The following FRYL variants were observed in gnomAD, a reference collection of about 807,000 sequenced individuals.
FRYL encodes the protein FRY like transcription coactivator, also known as protein furry homolog-like.
A neutral mutation model predicts 351.2 loss-of-function variants in FRYL; 150 were observed. The observed-to-expected ratio is 0.43, with a 90% confidence interval of 0.37 to 0.49. The LOEUF (loss-of-function observed/expected upper bound fraction) is 0.49. FRYL is among the 20% of genes least tolerant of loss of function. FRYL has a pLI of 0.00. For missense variants in FRYL, 3,036 were observed against 3,619.3 expected, an observed-to-expected ratio of 0.84 and a Z score of 4.13; for synonymous variants, 1,153 against 1,257.1, an observed-to-expected ratio of 0.92 and a Z score of 1.75.
intron 1 of FRYL, among the ~76,000 whole-genome samples, chr4:48,730,952 G>A (rs574098095): frequency 6.6e-6 from 1 of 152,206 alleles, no homozygotes; most frequent in East Asian, 1.9e-4. Flanking sequence ...AGACCCCTCA[G>A]TGTGCTATAT....
Position 48,498,446 on chromosome 4 carries a change from A to G in FRYL, c.*976T>C, listed in dbSNP as rs781457474. 6 of 152,604 alleles carry G rather than the reference A, an allele frequency of 3.9e-5. No individual in the cohort carries two copies. The highest frequency in any genetic ancestry group is 8.8e-5 in the Non-Finnish European group (6 of 68,044). The allele number at this position is 152,604 out of a possible 1,614,324, so 9.5% of individuals were successfully genotyped here. On this transcript the variant is annotated 3_prime_UTR_variant, in exon 64 of 64. Transcript: ENST00000358350. ...TGGTTTTAGTCTCTACAGTTTCTAT[A>G]TGGAGTAAAATAAGTTAAAACTTTT...
intron 23 of FRYL, among the ~76,000 whole-genome samples, chr4:48,577,093 T>C (rs1328324199): frequency 3.3e-5 from 5 of 152,266 alleles, no homozygotes; most frequent in African/African-American, 7.2e-5. Flanking sequence ...TTTTAGCTAA[T>C]AGCAATTTTT....
rs182381911 is a variant in FRYL at position 48,718,144 on chromosome 4, T to C, written c.-383-7446A>G. Among the ~76,000 whole-genome samples, 8 of 151,734 alleles carry C rather than the reference T, an allele frequency of 5.3e-5. No homozygotes were observed. The Admixed American group carries it at 5.3e-4, about 10-fold the overall frequency. On this transcript the variant is annotated intron_variant, in intron 1 of 63. Transcript: ENST00000358350. Reference sequence around the variant, plus strand: ...TTTTTATCCCAATAACAGAGTTGCATCCTAGAGTAAATTGTGTTTATTCTA... The same window carrying C: ...TTTTTATCCCAATAACAGAGTTGCACCCTAGAGTAAATTGTGTTTATTCTA...
chr4:48,512,624 G>C lies in FRYL; in HGVS notation c.8002C>G (p.Leu2668Val), dbSNP rs1052647151. 1.9e-6 allele frequency: 3 copies of C among 1,613,956 alleles called. No individual in the cohort carries two copies. The highest frequency in any genetic ancestry group is 2.7e-5 in the African/African-American group (2 of 74,928). The part of the protein sequence containing the change: ...VQTSPLPSPF[L>V]SAIIAAFQPV... ...TGAAAGGCGGCTATGATGGCAGAAAGAAATGGTGACGGCAGAGGCGACGTC... is the reference window on the plus strand; with the variant it reads ...TGAAAGGCGGCTATGATGGCAGAAACAAATGGTGACGGCAGAGGCGACGTC... Residue 2668 changes from leucine (L) to valine (V), a missense_variant, in exon 57 of 64, where the codon CTT (leucine) becomes GTT (valine). Leu to Val is a conservative substitution (Grantham distance 32). This residue lies in a region of FRYL where 1,987 missense variants were observed against 2,311.7 expected (regional missense o/e 0.86). Coordinates refer to ENST00000358350, the MANE Select transcript of FRYL (RefSeq NM_015030.2).
chr4:48,747,122 T>A (rs548385599), intron 1 of FRYL, among the ~76,000 whole-genome samples: 1 of 151,668 alleles, frequency 6.6e-6, no homozygotes, highest in Non-Finnish European at 1.5e-5. Flanking sequence ...GATTAGTCAA[T>A]GAGAGAGGGA....
intron 18 of FRYL, among the ~76,000 whole-genome samples, chr4:48,589,246 A>G (rs1250688097): frequency 6.6e-6 from 1 of 152,186 alleles, no homozygotes; most frequent in Non-Finnish European, 1.5e-5. Flanking sequence ...TGCAGAGATG[A>G]CAAATAATGA....
intron 1 of FRYL, chr4:48,727,371 T>C (rs1248865389): frequency 3.9e-5 from 6 of 152,154 alleles, no homozygotes; most frequent in Non-Finnish European, 8.8e-5. Context: ...GGCAAACCAC[T>C]GCCCCACTGC....
intron 1 of FRYL, among the ~76,000 whole-genome samples, chr4:48,716,455 A>G (rs1768841450): frequency 6.6e-6 from 1 of 151,660 alleles, no homozygotes; most frequent in Non-Finnish European, 1.5e-5. Flanking sequence ...CCCGTCAGAA[A>G]GTGGGCGAAG....
At chr4:48,752,138 G>T (rs181008709) in intron 1 of FRYL, among the ~76,000 whole-genome samples, 5 of 152,188 alleles carry the variant, frequency 3.3e-5, no homozygotes, top group Admixed American at 3.3e-4. Flanking sequence ...GTATTATATC[G>T]TAGTGGATGT....
rs1741611162 is a variant in FRYL at position 48,584,282 on chromosome 4, G to C, written c.1749-1548C>G. 2.6e-5 allele frequency among the ~76,000 whole-genome samples: 4 copies of C among 152,304 alleles called. No homozygotes were observed. The South Asian group carries it at 8.3e-4, about 32-fold the overall frequency. The stretch of plus-strand genomic sequence containing the variant: ...ATATTAAACACAATTATATGCTTGG[G>C]AAGCTGGAAAAATGGAGTTATCCAC... On this transcript the variant is annotated intron_variant, in intron 19 of 63. Coordinates refer to ENST00000358350, the MANE Select transcript of FRYL (RefSeq NM_015030.2).
At chr4:48,705,300 G>C (rs1767205617) in intron 2 of FRYL, among the ~76,000 whole-genome samples, 1 of 150,492 alleles carries the variant, frequency 6.6e-6, no homozygotes, top group African/African-American at 2.5e-5. Flanking sequence ...ATATATATTG[G>C]TATATATCTT....
chr4:48,678,032 T>G (rs1487368444), intron 3 of FRYL, among the ~76,000 whole-genome samples: 1 of 152,202 alleles, frequency 6.6e-6, no homozygotes, highest in South Asian at 2.1e-4. Context: ...ATGTGTACAT[T>G]GGTATGAACC....
At chr4:48,609,659 TCAAA>T in intron 8 of FRYL, 81 bp downstream of exon 8, 3 of 603,970 alleles carry the variant, frequency 5.0e-6, no homozygotes, top group Non-Finnish European at 8.5e-6. Flanking sequence ...CCTTGAACTC[TCAAA>T]CAAATGATCA....
chr4:48,775,215 G>A (rs1775884981), intron 1 of FRYL, among the ~76,000 whole-genome samples: 1 of 152,328 alleles, frequency 6.6e-6, no homozygotes, highest in South Asian at 2.1e-4. Flanking sequence ...AAGAGGCTAT[G>A]CCGAAAAATA....
chr4:48,601,646 A>G (rs1745720848), intron 13 of FRYL, among the ~76,000 whole-genome samples: 1 of 152,202 alleles, frequency 6.6e-6, no homozygotes, highest in African/African-American at 2.4e-5. Flanking sequence ...CATATTGTTC[A>G]GACTTAAACC....
At chr4:48,670,769 A>G (rs1762522379) in intron 3 of FRYL, among the ~76,000 whole-genome samples, 1 of 152,142 alleles carries the variant, frequency 6.6e-6, no homozygotes, top group African/African-American at 2.4e-5. Context: ...GCTGCAAGTG[A>G]CAGAATCTCA....
chr4:48,659,037 A>G (rs1186222411), intron 3 of FRYL, among the ~76,000 whole-genome samples: 1 of 152,100 alleles, frequency 6.6e-6, no homozygotes. Flanking sequence ...ATGTTTTAAC[A>G]TTTTTAAACT....
chr4:48,552,846 CAA>C (rs1023006951), intron 36 of FRYL, among the ~76,000 whole-genome samples: 8 of 151,952 alleles, frequency 5.3e-5, no homozygotes, highest in African/African-American at 1.9e-4. Flanking sequence ...AACTGAGTAA[CAA>C]AGAGTTTAAC....
intron 55 of FRYL, among the ~76,000 whole-genome samples, chr4:48,516,660 T>G (rs1467765061): frequency 6.6e-6 from 1 of 152,228 alleles, no homozygotes; most frequent in Non-Finnish European, 1.5e-5. Flanking sequence ...AAAACTCATC[T>G]ATAAAATGAA....
Sources: gnomAD v4.1 joint callset for allele counts (sites outside exome capture counted in the v4.1 genomes callset) on GRCh38, gnomAD v4.1.1 for gene constraint, gnomAD v4.1.1 regional missense constraint, MANE v1.5 for transcripts, NCBI Gene and HGNC (gene_info 2026-07-23, HGNC 2026-07-21) for gene names.